Variants in ACACA observed in about 807,000 individuals in gnomAD.
ACACA encodes acetyl-CoA carboxylase 1.
ACACA carries 103 observed loss-of-function variants against 296.1 expected under a neutral mutation model. The ratio of observed to expected loss-of-function variants is 0.35; its 90% CI spans 0.30 to 0.41. The LOEUF (loss-of-function observed/expected upper bound fraction) is 0.41. Among genes scored for constraint, ACACA ranks in the 10% least tolerant of loss-of-function variants. The pLI is 1.00. For synonymous variants in ACACA, 953 were observed against 1,038.6 expected (o/e 0.92, Z 1.58); for missense variants, 1,554 against 2,989.7 (o/e 0.52, Z 11.20).
chr17:37,275,841 G>T, intron 8 of ACACA, 110 bp downstream of exon 8: 1 of 896,848 alleles, frequency 1.1e-6, no homozygotes, highest in Non-Finnish European at 1.9e-6. Context: ...TAATCAACCA[G>T]TATTCCATTT....
At chr17:37,125,664 G>T (rs748996854) in intron 48 of ACACA, 34 bp downstream of exon 48, 1 of 1,536,402 alleles carries the variant, frequency 6.5e-7, no homozygotes, top group South Asian at 1.1e-5. Context: ...TTAGTTGGGA[G>T]GAAAAAGAGC....
chr17:37,179,557 CAGTTAAAATAGATTTGTAATTACTTT>C, intron 40 of ACACA, 151 bp from the exon 41 acceptor site: 1 of 933,310 alleles, frequency 1.1e-6, no homozygotes, highest in South Asian at 1.5e-5. Flanking sequence ...CTCCCATTCT[CAGTTAAAATAGATTTGTAATTACTTT>C]TTACATGCCA....
intron 52 of ACACA, among the ~76,000 whole-genome samples, chr17:37,106,410 C>T (rs887336597): frequency 5.9e-5 from 9 of 152,132 alleles, no homozygotes; most frequent in Admixed American, 1.3e-4. Context: ...GGGGCCATAC[C>T]TATCTAAATA....
chr17:37,157,954 C>T (rs1171353716), intron 42 of ACACA, among the ~76,000 whole-genome samples: 2 of 152,156 alleles, frequency 1.3e-5, no homozygotes, highest in African/African-American at 4.8e-5. Context: ...AGTTAGACTA[C>T]TGCTACTGCT....
chr17:37,259,366 C>T lies in ACACA; in HGVS notation c.1494G>A (p.Gln498=). The T allele has an allele frequency of 6.2e-7, 1 of 1,614,144 alleles. No individual in the cohort carries two copies. The highest frequency in any genetic ancestry group is 1.7e-5 in the Admixed American group (1 of 60,024). ...CCAGATCAGGGAGACTCACCTGGAGCTGTGCTGCAGGGAGATTGACATCAG... is the reference window on the plus strand; with the variant it reads ...CCAGATCAGGGAGACTCACCTGGAGTTGTGCTGCAGGGAGATTGACATCAG... ...MVADVNLPAA[Q]LQIAMGIPLY... Residue 498 remains glutamine (Q), a synonymous_variant, in exon 12 of 56, where the codon CAG becomes CAA. Coordinates refer to ENST00000616317, the MANE Select transcript of ACACA (RefSeq NM_198834.3).
intron 35 of ACACA, 146 bp from the exon 36 acceptor site, chr17:37,193,561 T>C (rs545479341): frequency 8.1e-5 from 49 of 602,788 alleles, no homozygotes; most frequent in Non-Finnish European, 1.4e-4. Flanking sequence ...GAAATATATA[T>C]GAATGATCCT....
intron 3 of ACACA, among the ~76,000 whole-genome samples, chr17:37,294,877 A>G (rs1328284598): frequency 6.6e-6 from 1 of 152,146 alleles, no homozygotes; most frequent in Non-Finnish European, 1.5e-5. Flanking sequence ...GCTGCTTAGC[A>G]TGTTTTCCCT....
At chr17:37,398,108 T>C (rs1343845368) in intron 1 of ACACA, among the ~76,000 whole-genome samples, 4 of 150,754 alleles carry the variant, frequency 2.7e-5, no homozygotes, top group Non-Finnish European at 5.9e-5. Flanking sequence ...CGCGCGCCTG[T>C]ACTCCCAGCT....
At chr17:37,359,047 G>A (rs1251795786) in intron 1 of ACACA, 6 of 986,002 alleles carry the variant, frequency 6.1e-6, no homozygotes, top group Non-Finnish European at 7.2e-6. Context: ...CCCCTGCGTG[G>A]AGGAACTGCT....
At chr17:37,404,203 C>T (rs1261401035) in intron 1 of ACACA, among the ~76,000 whole-genome samples, 1 of 152,122 alleles carries the variant, frequency 6.6e-6, no homozygotes, top group African/African-American at 2.4e-5. Flanking sequence ...TTTGCCTTAG[C>T]CAGTCTCAAA....
chr17:37,243,315 A>G (rs1381893295), intron 22 of ACACA, 56 bp downstream of exon 22: 6 of 1,535,728 alleles, frequency 3.9e-6, no homozygotes, highest in Non-Finnish European at 5.4e-6. Context: ...GGAATCCTAC[A>G]ACATAAACTC....
chr17:37,192,313 C>A lies in ACACA; in HGVS notation c.4201-8G>T, dbSNP rs778635815. On this transcript the variant is annotated splice_region_variant and splice_polypyrimidine_tract_variant and intron_variant, in intron 36 of 55. Coordinates refer to ENST00000616317, the MANE Select transcript of ACACA (RefSeq NM_198834.3). ...GATACGATCCTCCTCAAACTGAGTA[C>A]AAGAATCAGAGAAAAAACAGCTCAC... 3.1e-6 allele frequency: 5 copies of A among 1,612,850 alleles called. No individual in the cohort carries two copies. In the African/African-American group the frequency reaches 6.7e-5, roughly 22 times the overall value.
chr17:37,396,881 T>C (rs1442990119), intron 1 of ACACA, among the ~76,000 whole-genome samples: 2 of 152,146 alleles, frequency 1.3e-5, no homozygotes, highest in African/African-American at 4.8e-5. Flanking sequence ...TTCCCTATTA[T>C]TAGTAATAGT....
At chr17:37,254,795 CCGA>C (rs2081152715) in intron 14 of ACACA, among the ~76,000 whole-genome samples, 2 of 151,554 alleles carry the variant, frequency 1.3e-5, no homozygotes, top group Admixed American at 1.3e-4. Flanking sequence ...ACCAGCCTGG[CCGA>C]CATGGTGAAA....
At chr17:37,303,709 T>G (rs1166990580) in intron 3 of ACACA, among the ~76,000 whole-genome samples, 1 of 152,074 alleles carries the variant, frequency 6.6e-6, no homozygotes, top group Non-Finnish European at 1.5e-5. Flanking sequence ...AATACAAAAA[T>G]TACCTGGGCA....
chr17:37,230,300 C>T (rs926807267), intron 25 of ACACA, among the ~76,000 whole-genome samples: 2 of 151,124 alleles, frequency 1.3e-5, no homozygotes, highest in Non-Finnish European at 2.9e-5. Context: ...AGGAGAATCG[C>T]TTGAACCCAG....
At position 37,372,413 on chromosome 17, in the gene ACACA, G is replaced by GAAA. The variant is rs71135711; in HGVS notation, c.39-32566_39-32564dup. Among the ~76,000 whole-genome samples the GAAA allele has an allele frequency of 5.6e-5, 5 of 89,680 alleles. 1 individual carries two copies. The highest frequency in any genetic ancestry group is 7.1e-5 in the Non-Finnish European group (3 of 42,338). The allele number at this position is 89,680 out of a possible 152,430, so 58.8% of individuals were successfully genotyped here. A position where few individuals can be genotyped will look rare whatever the true frequency, so the allele number is the denominator to read the frequency against. ...GGGCGACAGAGCGAGACTCTGTCTC[G>GAAA]AAAAAAAAAAAAAAAAAGAGTAGCA... On this transcript the variant is annotated intron_variant, in intron 1 of 55. Coordinates refer to ENST00000616317, the MANE Select transcript of ACACA (RefSeq NM_198834.3).
Position 37,216,833 on chromosome 17 carries a change from T to TA in ACACA, c.3683+4890dup, listed in dbSNP as rs890129477. Among the ~76,000 whole-genome samples the TA allele has an allele frequency of 5.5e-3, 747 of 136,912 alleles. 4 individuals carry two copies. The highest frequency in any genetic ancestry group is 7.3e-3 in the Non-Finnish European group (459 of 62,732). 89.8% of individuals were successfully genotyped at this position (136,912 alleles called of 152,430 possible). A position where few individuals can be genotyped will look rare whatever the true frequency, so the allele number is the denominator to read the frequency against. ...ACAGCAACTAAGGGATTTTCCTGAA[T>TA]AAAAAAAAAAACAAAAACAAAAACA... On this transcript the variant is annotated intron_variant, in intron 29 of 55. Transcript: ENST00000616317.
At chr17:37,388,722 T>C (rs1278981605) in intron 1 of ACACA, 1 of 1,612,232 alleles carries the variant, frequency 6.2e-7, no homozygotes, top group Non-Finnish European at 8.5e-7. Flanking sequence ...TGGTCAAAAT[T>C]CTGATTGCTG....
Sources: gnomAD v4.1 joint callset for allele counts (sites outside exome capture counted in the v4.1 genomes callset) on GRCh38, gnomAD v4.1.1 for gene constraint, MANE v1.5 for transcripts, NCBI Gene and HGNC (gene_info 2026-07-23, HGNC 2026-07-21) for gene names.